Variants in GALNT13 observed in about 807,000 individuals in gnomAD.
GALNT13 encodes the protein polypeptide N-acetylgalactosaminyltransferase 13.
GALNT13 carries 28 observed loss-of-function variants against 64.2 expected under a neutral mutation model. That is an observed-to-expected ratio of 0.44 (90% CI 0.32 to 0.60). The LOEUF is 0.60. Among genes scored for constraint, GALNT13 ranks in the 20% least tolerant of loss-of-function variants. The pLI is 0.05. For missense variants in GALNT13, 577 were observed against 669.8 expected, an observed-to-expected ratio of 0.86 and a Z score of 1.53; for synonymous variants, 214 against 224.6, an observed-to-expected ratio of 0.95 and a Z score of 0.42.
At chr2:154,279,239 T>C (rs1574006862) in intron 8 of GALNT13, among the ~76,000 whole-genome samples, 1 of 152,134 alleles carries the variant, frequency 6.6e-6, no homozygotes, top group East Asian at 1.9e-4. Context: ...GCCTAGAAAT[T>C]GGCAGGGCTA....
chr2:153,850,578 C>T, the GALNT13 span, among the ~76,000 whole-genome samples: 2 of 152,048 alleles, frequency 1.3e-5, no homozygotes, highest in African/African-American at 2.4e-5. Flanking sequence ...GTTGAACAAT[C>T]GATCAGTTAA....
chr2:153,441,774 T>C, the GALNT13 span, among the ~76,000 whole-genome samples: 1 of 152,300 alleles, frequency 6.6e-6, no homozygotes, highest in East Asian at 1.9e-4. Context: ...ATAGGAATGC[T>C]TGTGATTTTT....
At chr2:153,515,915 C>T in the GALNT13 span, among the ~76,000 whole-genome samples, 6 of 152,264 alleles carry the variant, frequency 3.9e-5, no homozygotes, top group South Asian at 1.2e-3. Context: ...GTGCCAGCTC[C>T]ACTATGGCTG....
At chr2:154,343,400 C>T (rs1461539862) in intron 9 of GALNT13, among the ~76,000 whole-genome samples, 1 of 151,980 alleles carries the variant, frequency 6.6e-6, no homozygotes, top group Non-Finnish European at 1.5e-5. Flanking sequence ...TGGTGAATGA[C>T]ACATTAGGAA....
chr2:154,206,158 C>G (rs148758153), intron 4 of GALNT13, among the ~76,000 whole-genome samples: 1 of 151,628 alleles, frequency 6.6e-6, no homozygotes. Flanking sequence ...CCACCACGCC[C>G]GGCTAATTTT....
the GALNT13 span, among the ~76,000 whole-genome samples, chr2:153,403,107 G>T: frequency 6.6e-6 from 1 of 151,716 alleles, no homozygotes; most frequent in Non-Finnish European, 1.5e-5. Context: ...TGGGTTTTTG[G>T]TGTGGATGTC....
At chr2:153,505,452 G>A in the GALNT13 span, among the ~76,000 whole-genome samples, 1 of 151,888 alleles carries the variant, frequency 6.6e-6, no homozygotes, top group Admixed American at 6.6e-5. Context: ...CTCTAGTTTT[G>A]TGAGATGTGA....
chr2:153,076,821 A>G, the GALNT13 span, among the ~76,000 whole-genome samples: 4 of 152,036 alleles, frequency 2.6e-5, no homozygotes, highest in African/African-American at 7.2e-5. Flanking sequence ...ACACACTTCT[A>G]TTGAGGCTTT....
At chr2:153,535,966 G>A in the GALNT13 span, among the ~76,000 whole-genome samples, 2 of 152,164 alleles carry the variant, frequency 1.3e-5, no homozygotes, top group Admixed American at 1.3e-4. Context: ...CCTATCCAGT[G>A]AAAGTATCTA....
the GALNT13 span, among the ~76,000 whole-genome samples, chr2:153,630,787 A>C: frequency 9.4e-5 from 1 of 10,694 alleles, no homozygotes; most frequent in African/African-American, 3.1e-4. Flanking sequence ...ATATATATAT[A>C]TATATATATA....
chr2:153,706,002 A>T, the GALNT13 span, among the ~76,000 whole-genome samples: 21,651 of 151,556 alleles, frequency 0.14, 2,453 homozygotes, highest in African/African-American at 0.31. Flanking sequence ...ATATATATAT[A>T]TTTTCTTTTT....
chr2:154,429,869 T>C (rs746826211), intron 11 of GALNT13, among the ~76,000 whole-genome samples: 4 of 152,172 alleles, frequency 2.6e-5, no homozygotes, highest in Non-Finnish European at 5.9e-5. Flanking sequence ...TTAACAATTA[T>C]GCTGAATCTA....
At chr2:153,918,310 C>T (rs754941386) in intron 2 of GALNT13, among the ~76,000 whole-genome samples, 2 of 152,054 alleles carry the variant, frequency 1.3e-5, no homozygotes, top group South Asian at 4.1e-4. Flanking sequence ...GGGTGAACTT[C>T]GGTAGAGATA....
chr2:154,268,049 C>T (rs543213092), intron 8 of GALNT13, among the ~76,000 whole-genome samples: 2 of 152,048 alleles, frequency 1.3e-5, no homozygotes, highest in Non-Finnish European at 2.9e-5. Context: ...CACTAAACTC[C>T]AAAAAACAGT....
At chr2:153,899,699 T>G (rs1365625538) in intron 1 of GALNT13, among the ~76,000 whole-genome samples, 1 of 152,044 alleles carries the variant, frequency 6.6e-6, no homozygotes, top group Non-Finnish European at 1.5e-5. Flanking sequence ...TACAGTTGGT[T>G]TTGGTGAACA....
chr2:153,992,600 T>C (rs1393302514), intron 3 of GALNT13, among the ~76,000 whole-genome samples: 1 of 152,180 alleles, frequency 6.6e-6, no homozygotes. Flanking sequence ...GGCATCTAGA[T>C]TCATGAAGCT....
chr2:153,176,455 G>T, the GALNT13 span, among the ~76,000 whole-genome samples: 1 of 151,926 alleles, frequency 6.6e-6, no homozygotes, highest in African/African-American at 2.4e-5. Context: ...AGAATAAAAA[G>T]GTAGAAAAAT....
chr2:153,648,462 T>C, the GALNT13 span, among the ~76,000 whole-genome samples: 12 of 152,130 alleles, frequency 7.9e-5, no homozygotes, highest in African/African-American at 2.9e-4. Flanking sequence ...TGTATTTCCT[T>C]CTCCTGCCTG....
At chr2:153,824,565 G>A in the GALNT13 span, among the ~76,000 whole-genome samples, 3 of 152,086 alleles carry the variant, frequency 2.0e-5, no homozygotes, top group Non-Finnish European at 2.9e-5. Context: ...CTGGTGGATC[G>A]ATAGAGTAAA....
Sources: allele counts gnomAD v4.1 joint callset (sites outside exome capture counted in the v4.1 genomes callset), GRCh38; gene constraint gnomAD v4.1.1; transcripts MANE v1.5; gene names NCBI Gene and HGNC (gene_info 2026-07-23, HGNC 2026-07-21).